AMPH: variants seen among roughly 807,000 people sequenced by gnomAD.
AMPH encodes the protein amphiphysin, also known as amphiphysin (Stiff-Mann syndrome with breast cancer 128kD autoantigen).
A neutral mutation model predicts 99.1 loss-of-function variants in AMPH; 49 were observed. The observed-to-expected ratio is 0.49, with a 90% CI of 0.39 to 0.63. AMPH has a LOEUF of 0.63. AMPH is among the 20% of genes least tolerant of loss of function. The pLI is 0.00. For missense variants in AMPH, 759 were observed against 863.4 expected (o/e 0.88, Z 1.52); for synonymous variants, 314 against 317.3 (o/e 0.99, Z 0.11).
At chr7:38,428,724 T>G (rs1468329290) in intron 14 of AMPH, 2 of 456,866 alleles carry the variant, frequency 4.4e-6, no homozygotes, top group South Asian at 1.5e-5. Flanking sequence ...TCCAAAGCCT[T>G]CTATCATTCC....
At chr7:38,537,564 C>T (rs755887188) in intron 1 of AMPH, among the ~76,000 whole-genome samples, 3 of 152,132 alleles carry the variant, frequency 2.0e-5, no homozygotes, top group Non-Finnish European at 2.9e-5. Flanking sequence ...AGGACAAAAA[C>T]TTAACTATAC....
chr7:38,456,953 C>A (rs539360512), intron 11 of AMPH, among the ~76,000 whole-genome samples: 2 of 152,304 alleles, frequency 1.3e-5, no homozygotes, highest in South Asian at 4.1e-4. Context: ...AGCAAATGCA[C>A]CCTAAGTCAT....
At chr7:38,486,747 T>C (rs944427271) in intron 5 of AMPH, among the ~76,000 whole-genome samples, 2 of 152,092 alleles carry the variant, frequency 1.3e-5, no homozygotes, top group Admixed American at 6.6e-5. Context: ...GTAGGATTCA[T>C]TCCTGGGATG....
intron 17 of AMPH, among the ~76,000 whole-genome samples, chr7:38,414,015 AG>A (rs751468031): frequency 3.6e-4 from 55 of 152,364 alleles, no homozygotes; most frequent in Non-Finnish European, 7.1e-4. Context: ...AGGAGGCAGG[AG>A]CCATATCTAT....
chr7:38,411,554 G>A (rs887334207), intron 17 of AMPH, among the ~76,000 whole-genome samples: 1 of 152,178 alleles, frequency 6.6e-6, no homozygotes, highest in Non-Finnish European at 1.5e-5. Context: ...GGCAAGAAGT[G>A]AATGAGAACT....
intron 1 of AMPH, among the ~76,000 whole-genome samples, chr7:38,615,830 G>A (rs1226082140): frequency 2.6e-5 from 4 of 152,160 alleles, no homozygotes; most frequent in Non-Finnish European, 5.9e-5. Flanking sequence ...CTGTAGCAGT[G>A]GCCACGTGGT....
chr7:38,556,195 A>C (rs898388635), intron 1 of AMPH, among the ~76,000 whole-genome samples: 5 of 152,200 alleles, frequency 3.3e-5, no homozygotes, highest in Non-Finnish European at 5.9e-5. Context: ...AAAGCTATTC[A>C]ACAAAACAGC....
At chr7:38,529,564 CA>C (rs1441317228) in intron 2 of AMPH, among the ~76,000 whole-genome samples, 2 of 152,204 alleles carry the variant, frequency 1.3e-5, no homozygotes, top group Non-Finnish European at 2.9e-5. Context: ...CTGGAGGGCA[CA>C]AAACTTGCCA....
chr7:38,459,942 T>C (rs1276319946), intron 11 of AMPH, among the ~76,000 whole-genome samples: 2 of 151,930 alleles, frequency 1.3e-5, no homozygotes, highest in East Asian at 3.9e-4. Context: ...CAGACAGACA[T>C]TCAACAAGGG....
intron 1 of AMPH, among the ~76,000 whole-genome samples, chr7:38,553,955 T>G (rs1456905313): frequency 3.9e-5 from 6 of 152,226 alleles, no homozygotes; most frequent in African/African-American, 1.4e-4. Flanking sequence ...CTGGGGCTCT[T>G]TAAGCATCAC....
At chr7:38,526,188 T>C (rs1790178222) in intron 2 of AMPH, among the ~76,000 whole-genome samples, 1 of 152,152 alleles carries the variant, frequency 6.6e-6, no homozygotes, top group Non-Finnish European at 1.5e-5. Context: ...CTCCGATGGC[T>C]AAATAGGTAT....
At chr7:38,398,949 G>A (rs1436536567) in intron 17 of AMPH, among the ~76,000 whole-genome samples, 2 of 152,136 alleles carry the variant, frequency 1.3e-5, no homozygotes, top group Non-Finnish European at 2.9e-5. Context: ...CGTTCCTGAC[G>A]TTGTAGGAGC....
chr7:38,394,257 G>C, intron 17 of AMPH, 43 bp from the exon 18 acceptor site: 1 of 1,598,014 alleles, frequency 6.3e-7, no homozygotes, highest in South Asian at 1.1e-5. Context: ...ATCTCCATGG[G>C]CCTCTGCCAG....
intron 2 of AMPH, among the ~76,000 whole-genome samples, 174 bp from the exon 3 acceptor site, chr7:38,503,878 G>A (rs1460229102): frequency 6.6e-6 from 1 of 152,226 alleles, no homozygotes; most frequent in African/African-American, 2.4e-5. Context: ...GATATTTATA[G>A]AAATTTTGTT....
chr7:38,496,517 T>C (rs1218983607), intron 3 of AMPH, among the ~76,000 whole-genome samples: 1 of 152,112 alleles, frequency 6.6e-6, no homozygotes, highest in Non-Finnish European at 1.5e-5. Context: ...CTCAAGACTC[T>C]GGGGACTCTG....
chr7:38,568,176 G>C (rs1416709743), intron 1 of AMPH, among the ~76,000 whole-genome samples: 1 of 152,084 alleles, frequency 6.6e-6, no homozygotes, highest in African/African-American at 2.4e-5. Flanking sequence ...GCCAATTTAG[G>C]TACACCATTT....
intron 1 of AMPH, among the ~76,000 whole-genome samples, chr7:38,587,012 TACACAC>T (rs36077157): frequency 2.5e-3 from 370 of 149,484 alleles, no homozygotes; most frequent in African/African-American, 5.9e-3. Context: ...ATTGTGTAAA[TACACAC>T]ACACACACAC....
chr7:38,433,744 A>AAAAAAAAAAAAAAAAAAAAAAG (rs1562751901), intron 12 of AMPH, among the ~76,000 whole-genome samples: 1 of 147,404 alleles, frequency 6.8e-6, no homozygotes, highest in African/African-American at 2.6e-5. Context: ...AAAAAAAAAA[A>AAAAAAAAAAAAAAAAAAAAAAG]AAGAATCAAA....
chr7:38,446,590 A>C (rs1001573346), intron 11 of AMPH, among the ~76,000 whole-genome samples: 1 of 152,264 alleles, frequency 6.6e-6, no homozygotes, highest in African/African-American at 2.4e-5. Context: ...CAACAGAAAG[A>C]TGAGTGTTTG....
Sources: gnomAD v4.1 joint callset for allele counts (sites outside exome capture counted in the v4.1 genomes callset) on GRCh38, gnomAD v4.1.1 for gene constraint, MANE v1.5 for transcripts, NCBI Gene and HGNC (gene_info 2026-07-23, HGNC 2026-07-21) for gene names.